MBNL2: variants seen among roughly 807,000 people sequenced by gnomAD.
MBNL2 encodes muscleblind like splicing regulator 2, also known as muscleblind-like protein 2.
A neutral mutation model predicts 41.9 loss-of-function variants in MBNL2; 17 were observed. The observed-to-expected ratio is 0.41, with a 90% CI of 0.28 to 0.61. MBNL2 has a LOEUF of 0.61. Ranked by LOEUF, MBNL2 falls within the 20% of genes least tolerant of loss-of-function variation. The probability of loss-of-function intolerance (pLI) is 0.35; values close to 1 mark genes in which losing one functional copy is unlikely to be tolerated. For synonymous variants in MBNL2, 195 were observed against 182.9 expected (o/e 1.07, Z -0.53); for missense variants, 336 against 505.6 (o/e 0.66, Z 3.22).
chr13:97,214,115 C>T, the MBNL2 span, among the ~76,000 whole-genome samples: 1 of 152,170 alleles, frequency 6.6e-6, no homozygotes, highest in African/African-American at 2.4e-5. Context: ...TATTAAAGAC[C>T]CTTTGATTCC....
At chr13:97,326,185 C>G (rs533610053) in intron 2 of MBNL2, among the ~76,000 whole-genome samples, 2 of 152,314 alleles carry the variant, frequency 1.3e-5, no homozygotes, top group Admixed American at 1.3e-4. Flanking sequence ...GTCCACTTAC[C>G]TATGTAACTT....
At chr13:97,155,310 G>T in the MBNL2 span, among the ~76,000 whole-genome samples, 1 of 150,634 alleles carries the variant, frequency 6.6e-6, no homozygotes, top group African/African-American at 2.4e-5. Flanking sequence ...CCCAAACCAA[G>T]TCTTGCTTCA....
chr13:97,386,173 C>T lies in MBNL2; in HGVS notation c.1049-5149C>T, dbSNP rs370868305. On this transcript the variant is annotated intron_variant, in intron 8 of 8. Coordinates refer to ENST00000679496, the MANE Select transcript of MBNL2 (RefSeq NM_001382683.1). ...ACTAACTCTCCTGTAAACCTGCTCTCCTGGTCTCACTCTTACCACTGCTGC... is the reference window on the plus strand; with the variant it reads ...ACTAACTCTCCTGTAAACCTGCTCTTCTGGTCTCACTCTTACCACTGCTGC... Among the ~76,000 whole-genome samples the T allele has an allele frequency of 1.6e-4, 24 of 152,356 alleles. No individual in the cohort carries two copies. In the East Asian group the frequency reaches 2.5e-3, roughly 16 times the overall value.
chr13:97,366,692 C>T lies in MBNL2; in HGVS notation c.1048+1521C>T. ...ATTTTTTTAATTAGTTTATAGCAAG[C>T]ATTTACAGACAGGTTGCACTTATTT... On this transcript the variant is annotated intron_variant, in intron 8 of 8. Transcript: ENST00000679496. This position sits in a 1 kb window ranked among gnomAD's most constrained non-coding sequence, Gnocchi z 4.7. The T allele has an allele frequency of 1.4e-6, 1 of 703,822 alleles. No homozygotes were observed. Among genetic ancestry groups the T allele is most frequent in the Non-Finnish European group, 2.6e-6 (1 of 385,018 alleles). 43.6% of individuals were successfully genotyped at this position (703,822 alleles called of 1,614,324 possible).
At chr13:97,169,295 G>C in the MBNL2 span, among the ~76,000 whole-genome samples, 1 of 152,146 alleles carries the variant, frequency 6.6e-6, no homozygotes, top group African/African-American at 2.4e-5. Context: ...AACTCAGGTG[G>C]TTCCATTTTC....
rs527441042 is a variant in MBNL2 at position 97,273,445 on chromosome 13, A to C, written c.-604-2187A>C. Among the ~76,000 whole-genome samples the C allele has an allele frequency of 4.5e-4, 68 of 152,330 alleles. 1 individual carries two copies. Among genetic ancestry groups the C allele is most frequent in the Middle Eastern group, 3.4e-3 (1 of 294 alleles). On this transcript the variant is annotated intron_variant, in intron 1 of 8. Coordinates refer to ENST00000679496, the MANE Select transcript of MBNL2 (RefSeq NM_001382683.1). Reference sequence around the variant, plus strand: ...CTCATCTTCTTAAGCTCCCTAGCTTAGGCTAGCTGATATTAGCTTCTGTGA... The same window carrying C: ...CTCATCTTCTTAAGCTCCCTAGCTTCGGCTAGCTGATATTAGCTTCTGTGA...
chr13:97,259,286 G>A (rs2048146319), intron 1 of MBNL2, among the ~76,000 whole-genome samples: 1 of 152,104 alleles, frequency 6.6e-6, no homozygotes, highest in Non-Finnish European at 1.5e-5. Context: ...GCTAGGAGAA[G>A]AGAACATGTA....
intron 1 of MBNL2, among the ~76,000 whole-genome samples, chr13:97,252,472 G>A (rs2046758778): frequency 6.6e-6 from 1 of 152,098 alleles, no homozygotes; most frequent in African/African-American, 2.4e-5. Flanking sequence ...AATTAATTTA[G>A]TAAGAACTAA....
chr13:97,344,004 C>T (rs978909197), intron 4 of MBNL2, among the ~76,000 whole-genome samples: 1 of 152,140 alleles, frequency 6.6e-6, no homozygotes, highest in Non-Finnish European at 1.5e-5. Context: ...CAGGGTTTCT[C>T]CATGTTGGTC....
the MBNL2 span, among the ~76,000 whole-genome samples, chr13:97,202,996 T>C: frequency 6.6e-6 from 1 of 152,188 alleles, no homozygotes; most frequent in Non-Finnish European, 1.5e-5. Flanking sequence ...TCCTCCTCCT[T>C]CAGGTCTCCT....
At chr13:97,360,120 C>A (rs2063286642) in intron 7 of MBNL2, among the ~76,000 whole-genome samples, 1 of 152,092 alleles carries the variant, frequency 6.6e-6, no homozygotes, top group African/African-American at 2.4e-5. Context: ...ACATAGAGGA[C>A]CCATTACTTT....
intron 1 of MBNL2, among the ~76,000 whole-genome samples, chr13:97,233,505 C>A (rs1039650306): frequency 1.3e-4 from 19 of 151,622 alleles, no homozygotes; most frequent in Non-Finnish European, 2.4e-4. Flanking sequence ...ACAGACACCT[C>A]ATATTTCTGG....
intron 8 of MBNL2, among the ~76,000 whole-genome samples, chr13:97,369,372 T>G (rs2064153545): frequency 6.6e-6 from 1 of 152,166 alleles, no homozygotes; most frequent in Non-Finnish European, 1.5e-5. Context: ...AGCTCTGAGA[T>G]TCAGTGAACC....
At chr13:97,317,130 G>T (rs1023612601) in intron 2 of MBNL2, among the ~76,000 whole-genome samples, 2 of 152,150 alleles carry the variant, frequency 1.3e-5, no homozygotes, top group African/African-American at 2.4e-5. Context: ...TGTATCTAGG[G>T]CTGGGTAACT....
chr13:97,380,509 CA>C (rs961340088), intron 8 of MBNL2, among the ~76,000 whole-genome samples: 27 of 149,008 alleles, frequency 1.8e-4, no homozygotes, highest in African/African-American at 4.9e-4. Flanking sequence ...AACAAACAAA[CA>C]AAAAAAAACC....
upstream of MBNL2, among the ~76,000 whole-genome samples, chr13:97,217,856 G>C (rs889341408): frequency 6.6e-6 from 1 of 152,086 alleles, no homozygotes; most frequent in South Asian, 2.1e-4. Context: ...GGTAAAAGGT[G>C]GTGGGGGGTT....
intron 3 of MBNL2, among the ~76,000 whole-genome samples, chr13:97,335,214 T>C (rs2060776769): frequency 6.6e-6 from 1 of 152,200 alleles, no homozygotes; most frequent in African/African-American, 2.4e-5. Flanking sequence ...ATGATATCCT[T>C]GGGGAAAAGG....
intron 2 of MBNL2, among the ~76,000 whole-genome samples, chr13:97,318,101 C>T (rs1819538983): frequency 6.6e-6 from 1 of 152,142 alleles, no homozygotes; most frequent in South Asian, 2.1e-4. Flanking sequence ...TCACTTTAGA[C>T]AAGTTATCTA....
chr13:97,184,791 C>G, the MBNL2 span, among the ~76,000 whole-genome samples: 2 of 152,126 alleles, frequency 1.3e-5, no homozygotes, highest in Admixed American at 1.3e-4. Context: ...TTTGACTCCT[C>G]CATTTTCACT....
Sources: allele counts gnomAD v4.1 joint callset (sites outside exome capture counted in the v4.1 genomes callset), GRCh38; gene constraint gnomAD v4.1.1; non-coding constraint Gnocchi (gnomAD v3.1); transcripts MANE v1.5; gene names NCBI Gene and HGNC (gene_info 2026-07-23, HGNC 2026-07-21).